WDHD1: variants seen among roughly 807,000 people sequenced by gnomAD.
WDHD1 encodes WD repeat and HMG-box DNA binding protein 1.
In WDHD1, 111 loss-of-function variants were observed where a neutral mutation model predicts 135.4. That is an observed-to-expected ratio of 0.82 (90% CI 0.70 to 0.96). The LOEUF (loss-of-function observed/expected upper bound fraction) is 0.96, where lower values mean the gene tolerates loss of function less well. Ranked by LOEUF, WDHD1 falls within the 40% of genes least tolerant of loss-of-function variation. The pLI, the probability that WDHD1 is intolerant of heterozygous loss-of-function variation, is 0.00. For synonymous variants in WDHD1, 434 were observed against 439.0 expected (o/e 0.99, Z 0.14); for missense variants, 1,351 against 1,336.3 (o/e 1.01, Z -0.17).
chr14:55,002,037 A>G (rs1462549324), intron 8 of WDHD1, 56 bp downstream of exon 8: 2 of 1,251,118 alleles, frequency 1.6e-6, no homozygotes, highest in African/African-American at 3.0e-5. Flanking sequence ...ATTCAGGCAA[A>G]CTACGCATTA....
intron 7 of WDHD1, among the ~76,000 whole-genome samples, chr14:55,003,308 G>C (rs370645370): frequency 2.2e-4 from 33 of 152,058 alleles, no homozygotes; most frequent in East Asian, 1.9e-3. Flanking sequence ...TCAGGAGTTT[G>C]AGACTAGCCT....
chr14:54,972,986 G>A (rs1041034042), intron 16 of WDHD1, among the ~76,000 whole-genome samples: 3 of 152,176 alleles, frequency 2.0e-5, no homozygotes, highest in African/African-American at 7.2e-5. Flanking sequence ...CCCATCATGA[G>A]TAGTGCTCTC....
At chr14:54,985,326 A>G (rs1024743382) in intron 14 of WDHD1, among the ~76,000 whole-genome samples, 3 of 152,230 alleles carry the variant, frequency 2.0e-5, no homozygotes, top group African/African-American at 7.2e-5. Context: ...AAGCTGAGAC[A>G]TGAACTGCAA....
chr14:54,962,272 C>A (rs1208664472), intron 21 of WDHD1, among the ~76,000 whole-genome samples: 2 of 152,158 alleles, frequency 1.3e-5, no homozygotes, highest in Non-Finnish European at 2.9e-5. Flanking sequence ...TGTTTGACTT[C>A]TGTATCCACC....
At chr14:54,941,750 A>G (rs2040842841) in intron 25 of WDHD1, 60 bp from the exon 26 acceptor site, 2 of 1,414,428 alleles carry the variant, frequency 1.4e-6, no homozygotes, top group Non-Finnish European at 1.9e-6. Flanking sequence ...ATAAGAAGTA[A>G]ATGATTTATT....
chr14:55,000,164 T>C (rs1156999137), intron 10 of WDHD1, among the ~76,000 whole-genome samples: 1 of 152,132 alleles, frequency 6.6e-6, no homozygotes, highest in Non-Finnish European at 1.5e-5. Flanking sequence ...GCTGTTTGAC[T>C]AAGCAGAGGA....
At chr14:54,945,761 G>A (rs1011244767) in intron 24 of WDHD1, among the ~76,000 whole-genome samples, 7 of 152,148 alleles carry the variant, frequency 4.6e-5, no homozygotes, top group South Asian at 4.2e-4. Flanking sequence ...GGTGGGTCTC[G>A]AACTCCTGAC....
chr14:54,999,889 A>G (rs1313140330), intron 10 of WDHD1, among the ~76,000 whole-genome samples: 1 of 152,148 alleles, frequency 6.6e-6, no homozygotes, highest in Non-Finnish European at 1.5e-5. Context: ...TCACTGCAGC[A>G]GAGCTCAAAA....
At chr14:54,985,904 C>T (rs1477162207) in intron 14 of WDHD1, among the ~76,000 whole-genome samples, 1 of 152,040 alleles carries the variant, frequency 6.6e-6, no homozygotes, top group Non-Finnish European at 1.5e-5. Context: ...TGTTAGTAAG[C>T]CATTTACTAA....
intron 8 of WDHD1, among the ~76,000 whole-genome samples, chr14:55,001,280 A>C (rs1440330184): frequency 6.6e-6 from 1 of 152,188 alleles, no homozygotes; most frequent in Non-Finnish European, 1.5e-5. Flanking sequence ...TTATTTTTAG[A>C]GTCAGGGTCT....
At chr14:54,943,598 A>G (rs769334411) in intron 25 of WDHD1, among the ~76,000 whole-genome samples, 1 of 152,086 alleles carries the variant, frequency 6.6e-6, no homozygotes, top group East Asian at 1.9e-4. Context: ...GTGTATCACT[A>G]TGTTGTCTAG....
At chr14:55,005,096 G>A (rs1051891212) in intron 7 of WDHD1, 2 of 534,404 alleles carry the variant, frequency 3.7e-6, no homozygotes, top group African/African-American at 3.8e-5. Context: ...CACTGTAGAA[G>A]TAGAGATCAG....
intron 4 of WDHD1, among the ~76,000 whole-genome samples, chr14:55,009,406 T>C (rs762822740): frequency 6.6e-6 from 1 of 152,160 alleles, no homozygotes; most frequent in Admixed American, 6.6e-5. Context: ...ATATTCTGAC[T>C]GTACAGCCCA....
chr14:55,005,673 A>C (rs2183085), intron 7 of WDHD1: 199,696 of 534,656 alleles, frequency 0.37, 40,195 homozygotes, highest in African/African-American at 0.65. Flanking sequence ...TGCAGGACAT[A>C]GAGGTTCTAG....
chr14:55,013,364 T>A (rs1309442319), intron 3 of WDHD1, 121 bp downstream of exon 3: 2 of 681,126 alleles, frequency 2.9e-6, no homozygotes, highest in Non-Finnish European at 2.4e-6. Context: ...TCATACATTT[T>A]AAAATATTAT....
At chr14:54,965,108 A>G (rs1001811169) in intron 18 of WDHD1, among the ~76,000 whole-genome samples, 1 of 152,170 alleles carries the variant, frequency 6.6e-6, no homozygotes, top group African/African-American at 2.4e-5. Context: ...TTTTTTCTCC[A>G]ATTTTAAAAT....
intron 21 of WDHD1, among the ~76,000 whole-genome samples, chr14:54,960,824 G>T (rs1333792559): frequency 6.9e-6 from 1 of 145,886 alleles, no homozygotes; most frequent in East Asian, 2.1e-4. Context: ...TTTTGATACA[G>T]GGTCTTGCTC....
intron 16 of WDHD1, among the ~76,000 whole-genome samples, chr14:54,973,050 T>C (rs902817033): frequency 2.1e-5 from 3 of 145,774 alleles, no homozygotes; most frequent in South Asian, 4.4e-4. Context: ...TATATATATA[T>C]AGAACTCTTT....
chr14:54,957,704 A>G, intron 21 of WDHD1, 69 bp from the exon 22 acceptor site: 1 of 1,247,700 alleles, frequency 8.0e-7, no homozygotes, highest in Non-Finnish European at 1.1e-6. Context: ...CTATAATACT[A>G]GACAGAGTAT....
Sources: gnomAD v4.1 joint callset for allele counts (sites outside exome capture counted in the v4.1 genomes callset) on GRCh38, gnomAD v4.1.1 for gene constraint, MANE v1.5 for transcripts, NCBI Gene and HGNC (gene_info 2026-07-23, HGNC 2026-07-21) for gene names.